The following EBF1 variants were observed in gnomAD, a reference collection of about 807,000 sequenced individuals.
EBF1 encodes EBF transcription factor 1.
A neutral mutation model predicts 68.4 loss-of-function variants in EBF1; 10 were observed. The ratio of observed to expected loss-of-function variants is 0.15; its 90% CI spans 0.09 to 0.25. EBF1 has a LOEUF of 0.25. Among genes scored for constraint, EBF1 ranks in the 10% least tolerant of loss-of-function variants. The pLI, the probability that EBF1 is intolerant of heterozygous loss-of-function variation, is 1.00. For missense variants in EBF1, 509 were observed against 794.4 expected, an observed-to-expected ratio of 0.64 and a Z score of 4.32; for synonymous variants, 298 against 299.8, an observed-to-expected ratio of 0.99 and a Z score of 0.06.
intron 6 of EBF1, among the ~76,000 whole-genome samples, chr5:158,862,197 GAGGGTAAAAT>G (rs1795071074): frequency 6.6e-6 from 1 of 152,108 alleles, no homozygotes; most frequent in African/African-American, 2.4e-5. Flanking sequence ...GCTGGAGATG[GAGGGTAAAAT>G]AGTTTCATCT....
chr5:159,044,994 C>T (rs4921251), intron 6 of EBF1, among the ~76,000 whole-genome samples: 13,702 of 152,080 alleles, frequency 0.09, 676 homozygotes, highest in Non-Finnish European at 0.12. Flanking sequence ...AAGACCTTAC[C>T]AAATACATTT....
At chr5:158,740,491 A>T (rs1766102760) in intron 10 of EBF1, among the ~76,000 whole-genome samples, 1 of 152,258 alleles carries the variant, frequency 6.6e-6, no homozygotes, top group Admixed American at 6.5e-5. Context: ...AATCCCAAGA[A>T]TGGTGATAAA....
chr5:158,927,169 A>T (rs1809876787), intron 6 of EBF1, among the ~76,000 whole-genome samples: 1 of 152,230 alleles, frequency 6.6e-6, no homozygotes, highest in Non-Finnish European at 1.5e-5. Context: ...ATAAGTAGGG[A>T]TAACACTAGT....
At chr5:158,852,657 C>T (rs910254159) in intron 6 of EBF1, among the ~76,000 whole-genome samples, 14 of 152,122 alleles carry the variant, frequency 9.2e-5, no homozygotes, top group African/African-American at 3.4e-4. Context: ...TGTTCTAGTC[C>T]ATAAAAATAT....
intron 6 of EBF1, among the ~76,000 whole-genome samples, chr5:158,863,100 A>G (rs1795245027): frequency 6.6e-6 from 1 of 152,120 alleles, no homozygotes; most frequent in Non-Finnish European, 1.5e-5. Flanking sequence ...CCTATCCTTT[A>G]TGTTCCTTTA....
At chr5:159,052,672 T>A (rs1774005046) in intron 6 of EBF1, among the ~76,000 whole-genome samples, 1 of 152,214 alleles carries the variant, frequency 6.6e-6, no homozygotes. Context: ...ACCATGAGAA[T>A]TTGGAGCTGC....
chr5:159,074,517 C>T (rs1460491455), intron 5 of EBF1, among the ~76,000 whole-genome samples: 1 of 152,222 alleles, frequency 6.6e-6, no homozygotes. Context: ...GAGAGATACA[C>T]ACATACGCGC....
At chr5:159,039,453 T>G (rs1770754579) in intron 6 of EBF1, among the ~76,000 whole-genome samples, 1 of 152,234 alleles carries the variant, frequency 6.6e-6, no homozygotes, top group Non-Finnish European at 1.5e-5. Flanking sequence ...TACTGTCTAC[T>G]TTTGCATGCA....
intron 6 of EBF1, among the ~76,000 whole-genome samples, chr5:159,054,445 C>A (rs1266982891): frequency 1.3e-5 from 2 of 152,148 alleles, no homozygotes; most frequent in Non-Finnish European, 2.9e-5. Flanking sequence ...CCATCCTGGA[C>A]AAAGTTTTCT....
At chr5:158,921,085 C>A (rs73300089) in intron 6 of EBF1, among the ~76,000 whole-genome samples, 7 of 152,158 alleles carry the variant, frequency 4.6e-5, no homozygotes, top group Admixed American at 2.6e-4. Context: ...TGGAAGCAAG[C>A]TAATGCTGCA....
chr5:159,044,196 C>T (rs1455226595), intron 6 of EBF1, among the ~76,000 whole-genome samples: 2 of 152,150 alleles, frequency 1.3e-5, no homozygotes, highest in Non-Finnish European at 2.9e-5. Flanking sequence ...AGAATACCCA[C>T]TAATGTTTGT....
chr5:158,929,380 T>C (rs1223698579), intron 6 of EBF1, among the ~76,000 whole-genome samples: 2 of 152,328 alleles, frequency 1.3e-5, no homozygotes, highest in Middle Eastern at 3.4e-3. Context: ...AAATGGTATA[T>C]TTCTACATAA....
intron 8 of EBF1, among the ~76,000 whole-genome samples, chr5:158,798,040 A>T (rs1429920252): frequency 6.6e-6 from 1 of 152,072 alleles, no homozygotes; most frequent in Non-Finnish European, 1.5e-5. Context: ...CTCCCAAACC[A>T]GTGGTACCAT....
intron 7 of EBF1, among the ~76,000 whole-genome samples, chr5:158,829,263 G>A (rs1015426064): frequency 3.9e-5 from 6 of 152,026 alleles, no homozygotes; most frequent in Admixed American, 3.9e-4. Flanking sequence ...TGCAACCTCT[G>A]CGTCCCGGGC....
At chr5:158,866,769 A>G (rs1265032837) in intron 6 of EBF1, among the ~76,000 whole-genome samples, 2 of 148,290 alleles carry the variant, frequency 1.3e-5, no homozygotes, top group Admixed American at 6.9e-5. Flanking sequence ...ATGGAAGATG[A>G]TTTCTTTCCA....
At chr5:158,742,033 TG>T (rs1276688060) in intron 10 of EBF1, among the ~76,000 whole-genome samples, 2 of 152,190 alleles carry the variant, frequency 1.3e-5, no homozygotes, top group African/African-American at 4.8e-5. Flanking sequence ...AAGTAGGGGC[TG>T]GGATTCAAAC....
chr5:159,051,025 A>T (rs1269249100), intron 6 of EBF1, among the ~76,000 whole-genome samples: 1 of 152,030 alleles, frequency 6.6e-6, no homozygotes, highest in Non-Finnish European at 1.5e-5. Context: ...AATTATACGA[A>T]TGTTAGGAAG....
At chr5:159,025,868 C>A (rs1767625348) in intron 6 of EBF1, among the ~76,000 whole-genome samples, 2 of 152,254 alleles carry the variant, frequency 1.3e-5, no homozygotes, top group South Asian at 2.1e-4. Context: ...AAGCCCTGGG[C>A]AATTCAAGTG....
At chr5:158,884,004 T>C (rs1417043001) in intron 6 of EBF1, among the ~76,000 whole-genome samples, 5 of 152,148 alleles carry the variant, frequency 3.3e-5, no homozygotes, top group African/African-American at 1.2e-4. Flanking sequence ...AGCTGCGCAC[T>C]CCAACACACA....
Sources: gnomAD v4.1 joint callset for allele counts (sites outside exome capture counted in the v4.1 genomes callset) on GRCh38, gnomAD v4.1.1 for gene constraint, MANE v1.5 for transcripts, NCBI Gene and HGNC (gene_info 2026-07-23, HGNC 2026-07-21) for gene names.